The following OPHN1 variants were observed in gnomAD, a reference collection of about 807,000 sequenced individuals.
The protein encoded by OPHN1 is oligophrenin 1, also known as oligophrenin-1.
Under a neutral mutation model 60.7 loss-of-function variants are expected in OPHN1, and 11 were observed. That is an observed-to-expected ratio of 0.18 (90% CI 0.11 to 0.30). The LOEUF (loss-of-function observed/expected upper bound fraction) is 0.30. Ranked by LOEUF, OPHN1 falls within the 10% of genes least tolerant of loss-of-function variation. OPHN1 has a pLI of 1.00. For synonymous variants in OPHN1, 226 were observed against 222.6 expected, an observed-to-expected ratio of 1.02 and a Z score of -0.14; for missense variants, 449 against 611.0, an observed-to-expected ratio of 0.73 and a Z score of 2.80.
chrX:68,378,089 T>C (rs761454251), intron 2 of OPHN1, among the ~76,000 whole-genome samples: 1 of 111,891 alleles, frequency 8.9e-6, no homozygotes, highest in Admixed American at 9.5e-5. Context: ...CTCTCCAGCA[T>C]CTGCTGTTTC....
At chrX:68,065,345 G>A (rs777782313) in intron 20 of OPHN1, among the ~76,000 whole-genome samples, 2 of 111,012 alleles carry the variant, frequency 1.8e-5, no homozygotes, top group Admixed American at 1.9e-4. Context: ...ATGATATTGC[G>A]GTTTTGCTTT....
chrX:68,298,847 G>A (rs761401609), intron 3 of OPHN1, among the ~76,000 whole-genome samples, 154 bp downstream of exon 3: 1 of 112,022 alleles, frequency 8.9e-6, no homozygotes, highest in South Asian at 3.7e-4. Flanking sequence ...GGCAGGGAAA[G>A]TTTCCTGATC....
At chrX:68,317,091 G>A (rs1433145685) in intron 2 of OPHN1, among the ~76,000 whole-genome samples, 1 of 108,755 alleles carries the variant, frequency 9.2e-6, no homozygotes, top group Admixed American at 1.0e-4. Flanking sequence ...TTGAGCCCAG[G>A]AGCTCGAGAA....
intron 19 of OPHN1, among the ~76,000 whole-genome samples, chrX:68,086,302 C>A (rs1602145884): frequency 9.0e-6 from 1 of 111,308 alleles, no homozygotes; most frequent in East Asian, 2.9e-4. Flanking sequence ...GCATCTCATG[C>A]AATCATTGTG....
intron 15 of OPHN1, among the ~76,000 whole-genome samples, chrX:68,174,989 C>A: frequency 9.1e-6 from 1 of 109,337 alleles, no homozygotes; most frequent in African/African-American, 3.3e-5. Context: ...GAGGCTGAGG[C>A]AGGAGAATTG....
chrX:68,246,755 CTG>C (rs1392869742), intron 5 of OPHN1, among the ~76,000 whole-genome samples: 2 of 111,174 alleles, frequency 1.8e-5, no homozygotes, highest in Non-Finnish European at 3.8e-5. Flanking sequence ...AGAAGAGAAT[CTG>C]TTATTTTCTG....
intron 21 of OPHN1, among the ~76,000 whole-genome samples, chrX:68,057,007 T>C (rs2076875779): frequency 1.8e-5 from 2 of 112,138 alleles, no homozygotes; most frequent in African/African-American, 6.5e-5. Context: ...CAGTGCTTTA[T>C]GCACATTTTC....
intron 15 of OPHN1, among the ~76,000 whole-genome samples, chrX:68,185,286 C>A (rs1382140223): frequency 8.9e-6 from 1 of 112,404 alleles, no homozygotes; most frequent in African/African-American, 3.2e-5. Flanking sequence ...TGGAATGGCT[C>A]ATGTTTTTGA....
chrX:68,140,015 T>A (rs2077235647), intron 15 of OPHN1, among the ~76,000 whole-genome samples: 1 of 112,561 alleles, frequency 8.9e-6, no homozygotes, highest in Admixed American at 9.4e-5. Context: ...AGAGGGAAAC[T>A]AAACCCTAAG....
At chrX:68,402,336 AAAG>A (rs757404959) in intron 2 of OPHN1, among the ~76,000 whole-genome samples, 34 of 108,336 alleles carry the variant, frequency 3.1e-4, no homozygotes, top group East Asian at 1.5e-3. Context: ...GGAAGAAGAA[AAAG>A]AAGAAGAAGG....
intron 2 of OPHN1, among the ~76,000 whole-genome samples, chrX:68,310,969 G>A (rs1172917487): frequency 8.9e-6 from 1 of 112,167 alleles, no homozygotes; most frequent in Non-Finnish European, 1.9e-5. Flanking sequence ...AAAGGCATGG[G>A]GGAGGCCAGG....
chrX:68,257,355 A>G (rs1455155242), intron 5 of OPHN1, among the ~76,000 whole-genome samples: 5 of 112,769 alleles, frequency 4.4e-5, no homozygotes, highest in Non-Finnish European at 9.4e-5. Context: ...ACAAAATTAT[A>G]CCACCCTGTT....
chrX:68,246,152 C>T (rs1215389715), intron 5 of OPHN1, among the ~76,000 whole-genome samples: 1 of 111,757 alleles, frequency 8.9e-6, no homozygotes, highest in Non-Finnish European at 1.9e-5. Flanking sequence ...CCTACCACCA[C>T]TGAACTAAGC....
rs757318234 is a variant in OPHN1 at position 68,202,731 on chromosome X, G to A, written c.934-1021C>T. On this transcript the variant is annotated intron_variant, in intron 10 of 24. Transcript: ENST00000355520. ...AGGGTGGTCTCGAACTCCTGACCTC[G>A]TGATCCACCCACCTCAGCCTCCCAA... Among the ~76,000 whole-genome samples the A allele has an allele frequency of 1.0e-3, 113 of 109,437 alleles. 1 individual carries two copies. Among genetic ancestry groups the A allele is most frequent in the East Asian group, 5.9e-4 (2 of 3,382 alleles).
At chrX:68,222,832 G>T (rs2077668724) in intron 6 of OPHN1, among the ~76,000 whole-genome samples, 1 of 22,847 alleles carries the variant, frequency 4.4e-5, no homozygotes, top group Non-Finnish European at 7.7e-5. Context: ...AATGCTAGAT[G>T]ATGAGTTAGT....
At position 68,073,048 on chromosome X, in the gene OPHN1, T is replaced by C. The variant is rs1225495878; in HGVS notation, c.1834+104A>G. 6 of 951,149 alleles carry C rather than the reference T, an allele frequency of 6.3e-6. No homozygotes were observed. In the African/African-American group the frequency reaches 7.8e-5, roughly 12 times the overall value. The allele number at this position is 951,149 out of a possible 1,213,427, so 78.4% of individuals were successfully genotyped here. A position where few individuals can be genotyped will look rare whatever the true frequency, so the allele number is the denominator to read the frequency against. On this transcript the variant is annotated intron_variant, in intron 20 of 24. Coordinates refer to ENST00000355520, the MANE Select transcript of OPHN1 (RefSeq NM_002547.3). ...TTAAGCTCAGGAGCCAGGAAAGGTC[T>C]ACTTTTATAGAGAGAAAAATGGTCA... is the stretch of plus-strand genomic sequence containing the variant.
intron 2 of OPHN1, among the ~76,000 whole-genome samples, chrX:68,374,175 G>A (rs1311476714): frequency 9.1e-6 from 1 of 109,329 alleles, no homozygotes; most frequent in Non-Finnish European, 1.9e-5. Flanking sequence ...GGCCAACATG[G>A]TGAAACCCCG....
At chrX:68,429,757 C>T (rs2078876619) in intron 2 of OPHN1, among the ~76,000 whole-genome samples, 2 of 110,213 alleles carry the variant, frequency 1.8e-5, no homozygotes, top group Admixed American at 9.7e-5. Context: ...TTTGTGGGAC[C>T]AAGTGCAGTG....
At chrX:68,413,733 C>A (rs1237901242) in intron 2 of OPHN1, among the ~76,000 whole-genome samples, 4 of 37,290 alleles carry the variant, frequency 1.1e-4, no homozygotes, top group African/African-American at 2.2e-4. Context: ...TAATGAGACC[C>A]CCATCTCTAC....
Sources: allele counts gnomAD v4.1 joint callset (sites outside exome capture counted in the v4.1 genomes callset), GRCh38; gene constraint gnomAD v4.1.1; transcripts MANE v1.5; gene names NCBI Gene and HGNC (gene_info 2026-07-23, HGNC 2026-07-21).